The following SNX29 variants were observed in gnomAD, a reference collection of about 807,000 sequenced individuals.
SNX29 encodes sorting nexin 29.
A neutral mutation model predicts 102.1 loss-of-function variants in SNX29; 78 were observed. That is an observed-to-expected ratio of 0.76 (90% confidence interval 0.64 to 0.92). The LOEUF (loss-of-function observed/expected upper bound fraction) is 0.92, where lower values mean the gene tolerates loss of function less well. SNX29 is among the 40% of genes least tolerant of loss of function. SNX29 has a pLI of 0.00. For synonymous variants in SNX29, 580 were observed against 414.5 expected (o/e 1.40, Z -4.85); for missense variants, 1,280 against 1,061.7 (o/e 1.21, Z -2.86).
intron 20 of SNX29, among the ~76,000 whole-genome samples, chr16:12,534,237 G>C (rs933691757): frequency 5.9e-5 from 9 of 152,244 alleles, no homozygotes; most frequent in African/African-American, 2.2e-4. Flanking sequence ...CGTCGGGCTA[G>C]AGATGTCTGC....
At chr16:12,527,823 CTTCT>C (rs1235616404) in intron 20 of SNX29, among the ~76,000 whole-genome samples, 4 of 148,608 alleles carry the variant, frequency 2.7e-5, no homozygotes, top group Non-Finnish European at 4.5e-5. Context: ...TTTTCTTCTT[CTTCT>C]TTTTTTTTTT....
chr16:12,301,346 TC>T (rs770105526), intron 15 of SNX29, among the ~76,000 whole-genome samples: 6 of 152,180 alleles, frequency 3.9e-5, no homozygotes, highest in Non-Finnish European at 5.9e-5. Flanking sequence ...ACCACACTCC[TC>T]GTTCTACTCT....
intron 8 of SNX29, among the ~76,000 whole-genome samples, chr16:12,055,056 T>A (rs1224739953): frequency 6.6e-6 from 1 of 152,122 alleles, no homozygotes; most frequent in Non-Finnish European, 1.5e-5. Flanking sequence ...TCTTGTGACC[T>A]GCTGTGTTAT....
At chr16:12,527,279 T>C (rs1272319945) in intron 20 of SNX29, 1 of 532,348 alleles carries the variant, frequency 1.9e-6, no homozygotes, top group Admixed American at 2.2e-5. Flanking sequence ...ATCGTGTCCT[T>C]TCTCCATGTG....
Position 12,571,494 on chromosome 16 carries a change from G to C in SNX29, c.*2865G>C. 2 of 365,960 alleles carry C rather than the reference G, an allele frequency of 5.5e-6. No homozygotes were observed. The highest frequency in any genetic ancestry group is 8.3e-6 in the Non-Finnish European group (2 of 239,954). 22.7% of individuals were successfully genotyped at this position (365,960 alleles called of 1,614,324 possible). A position where few individuals can be genotyped will look rare whatever the true frequency, so the allele number is the denominator to read the frequency against. On this transcript the variant is annotated 3_prime_UTR_variant, in exon 21 of 21. Coordinates refer to ENST00000566228, the MANE Select transcript of SNX29 (RefSeq NM_032167.5). ...CTCCCCTACTCAGAGAGGAACGAGG[G>C]TGGCCCACCTCTCAAGGGCCTTGGA...
chr16:12,054,403 G>A (rs1266258544), intron 8 of SNX29, among the ~76,000 whole-genome samples: 1 of 152,252 alleles, frequency 6.6e-6, no homozygotes, highest in Non-Finnish European at 1.5e-5. Flanking sequence ...GATCAGTGGG[G>A]ATGTTTCTGG....
intron 16 of SNX29, among the ~76,000 whole-genome samples, chr16:12,388,257 G>T (rs1395044118): frequency 6.6e-6 from 1 of 152,210 alleles, no homozygotes; most frequent in Non-Finnish European, 1.5e-5. Flanking sequence ...AATTATTGCT[G>T]TGTCTGTGGG....
At chr16:12,375,979 G>A (rs1261842228) in intron 16 of SNX29, 1 of 126,726 alleles carries the variant, frequency 7.9e-6, no homozygotes, top group East Asian at 2.4e-4. Context: ...GTTGCAGTGA[G>A]CCAAGATCGA....
intron 14 of SNX29, among the ~76,000 whole-genome samples, chr16:12,268,793 G>GT (rs2079008328): frequency 6.6e-6 from 1 of 152,168 alleles, no homozygotes; most frequent in African/African-American, 2.4e-5. Flanking sequence ...AAGCAAAACA[G>GT]TAACCTCATC....
chr16:12,557,015 A>ACACCCCCCCCCCCCC lies in SNX29; in HGVS notation c.2319-11490_2319-11489insACCCCCCCCCCCCCC, dbSNP rs66825746. On this transcript the variant is annotated intron_variant, in intron 20 of 20. Coordinates refer to ENST00000566228, the MANE Select transcript of SNX29 (RefSeq NM_032167.5). ...GGTACACACCACATCTGGCTAATTT[A>ACACCCCCCCCCCCCC]CCCCCCCCCCGCCCCAAGATGAGGT... Among the ~76,000 whole-genome samples, 41 of 31,836 alleles carry ACACCCCCCCCCCCCC rather than the reference A, an allele frequency of 1.3e-3. 6 individuals carry two copies. Among genetic ancestry groups the ACACCCCCCCCCCCCC allele is most frequent in the South Asian group, 3.4e-3 (3 of 878 alleles). The allele number at this position is 31,836 out of a possible 152,430, so 20.9% of individuals were successfully genotyped here.
intron 18 of SNX29, among the ~76,000 whole-genome samples, chr16:12,451,308 C>T (rs552390925): frequency 6.6e-6 from 1 of 152,344 alleles, no homozygotes; most frequent in South Asian, 2.1e-4. Context: ...CCACCAGCTC[C>T]ACCAAGTTTA....
chr16:12,060,723 A>G, intron 8 of SNX29: 1 of 455,218 alleles, frequency 2.2e-6, no homozygotes, highest in South Asian at 1.6e-5. Context: ...CCAGGTATTT[A>G]TTAACATTTC....
chr16:12,427,891 A>G (rs2085148816), intron 18 of SNX29, among the ~76,000 whole-genome samples: 2 of 152,238 alleles, frequency 1.3e-5, no homozygotes, highest in Non-Finnish European at 2.9e-5. Flanking sequence ...AGCAGTTGCT[A>G]AATAAGATCA....
chr16:12,274,540 CTT>C (rs111226323), intron 14 of SNX29, among the ~76,000 whole-genome samples: 11 of 143,762 alleles, frequency 7.7e-5, no homozygotes, highest in Admixed American at 1.4e-4. Flanking sequence ...CTCCCCACCT[CTT>C]TTTTTTTTTT....
At chr16:12,542,041 A>C (rs973649986) in intron 20 of SNX29, among the ~76,000 whole-genome samples, 2 of 152,058 alleles carry the variant, frequency 1.3e-5, no homozygotes, top group African/African-American at 4.8e-5. Flanking sequence ...TTTTTTAATT[A>C]GTTTGGCAAA....
intron 18 of SNX29, among the ~76,000 whole-genome samples, chr16:12,450,559 G>A (rs755097922): frequency 1.3e-5 from 2 of 152,296 alleles, no homozygotes; most frequent in South Asian, 2.1e-4. Context: ...GCTGAGGCCC[G>A]AATCATAGGC....
intron 19 of SNX29, among the ~76,000 whole-genome samples, chr16:12,482,933 G>T (rs994282163): frequency 6.6e-6 from 1 of 152,094 alleles, no homozygotes. Flanking sequence ...TGCCATGCAT[G>T]TGTGTAATTA....
At chr16:12,562,865 G>A (rs1045902061) in intron 20 of SNX29, among the ~76,000 whole-genome samples, 3 of 152,106 alleles carry the variant, frequency 2.0e-5, no homozygotes, top group African/African-American at 7.2e-5. Flanking sequence ...CTCCCGGTCT[G>A]TGCTTTGTCA....
intron 3 of SNX29, among the ~76,000 whole-genome samples, chr16:12,006,954 G>T (rs2056475714): frequency 6.6e-6 from 1 of 152,182 alleles, no homozygotes; most frequent in African/African-American, 2.4e-5. Flanking sequence ...AACAGATTCA[G>T]AGAGGCAAAA....
Sources: allele counts gnomAD v4.1 joint callset (sites outside exome capture counted in the v4.1 genomes callset), GRCh38; gene constraint gnomAD v4.1.1; transcripts MANE v1.5; gene names NCBI Gene and HGNC (gene_info 2026-07-23, HGNC 2026-07-21).